The following ESRRG variants were observed in gnomAD, a reference collection of about 807,000 sequenced individuals.
ESRRG encodes the protein estrogen-related receptor gamma.
A neutral mutation model predicts 44.0 loss-of-function variants in ESRRG; 13 were observed. The observed-to-expected ratio is 0.30, with a 90% CI of 0.19 to 0.47. The LOEUF is 0.47. Ranked by LOEUF, ESRRG falls within the 20% of genes least tolerant of loss-of-function variation. The pLI, the probability that ESRRG is intolerant of heterozygous loss-of-function variation, is 1.00. For missense variants in ESRRG, 395 were observed against 580.6 expected (o/e 0.68, Z 3.29); for synonymous variants, 215 against 214.6 (o/e 1.00, Z -0.02).
At chr1:216,859,261 C>T (rs1350626928) in intron 2 of ESRRG, among the ~76,000 whole-genome samples, 1 of 152,106 alleles carries the variant, frequency 6.6e-6, no homozygotes, top group East Asian at 1.9e-4. Flanking sequence ...AGATTAGAAA[C>T]AAATAAGGTA....
At chr1:216,822,866 C>T (rs749217521) in intron 2 of ESRRG, among the ~76,000 whole-genome samples, 36 of 152,308 alleles carry the variant, frequency 2.4e-4, no homozygotes, top group Non-Finnish European at 3.2e-4. Context: ...AACCCAGATG[C>T]TTATCTTCAT....
chr1:216,691,644 G>A (rs576208124), intron 1 of ESRRG, among the ~76,000 whole-genome samples: 4 of 152,164 alleles, frequency 2.6e-5, no homozygotes, highest in Non-Finnish European at 5.9e-5. Flanking sequence ...TAATAAAACT[G>A]TATATCCCTG....
chr1:216,804,166 A>G (rs1477239785), intron 2 of ESRRG, among the ~76,000 whole-genome samples: 1 of 152,182 alleles, frequency 6.6e-6, no homozygotes, highest in Non-Finnish European at 1.5e-5. Context: ...TGACAATTTA[A>G]TTAATTTATT....
chr1:216,935,866 C>G (rs1022996677), intron 2 of ESRRG, among the ~76,000 whole-genome samples: 1 of 152,074 alleles, frequency 6.6e-6, no homozygotes, highest in African/African-American at 2.4e-5. Flanking sequence ...CTGCCTGCCT[C>G]GGCCTCCCAA....
intron 2 of ESRRG, among the ~76,000 whole-genome samples, chr1:216,807,447 T>A (rs1000150903): frequency 6.6e-6 from 1 of 152,228 alleles, no homozygotes; most frequent in Non-Finnish European, 1.5e-5. Context: ...CTTTCTGTTC[T>A]AACTTGTTTC....
At chr1:217,046,100 G>A (rs771926749) in intron 1 of ESRRG, among the ~76,000 whole-genome samples, 5 of 151,172 alleles carry the variant, frequency 3.3e-5, no homozygotes, top group Non-Finnish European at 7.4e-5. Flanking sequence ...AAGAGTTAAG[G>A]CATGTCGCCA....
At chr1:216,863,891 C>A (rs891617578) in intron 2 of ESRRG, 1 of 152,166 alleles carries the variant, frequency 6.6e-6, no homozygotes, top group Non-Finnish European at 1.5e-5. Flanking sequence ...CTACTGCATC[C>A]GCCATCTTGC....
Position 216,972,787 on chromosome 1 carries a change from C to G in ESRRG, c.-105-33114G>C, listed in dbSNP as rs115934866. 1.3e-5 allele frequency among the ~76,000 whole-genome samples: 2 copies of G among 152,196 alleles called. 1 individual carries two copies. Among genetic ancestry groups the G allele is most frequent in the Non-Finnish European group, 2.9e-5 (2 of 67,996 alleles). On this transcript the variant is annotated intron_variant, in intron 1 of 7. Coordinates refer to the ESRRG transcript ENST00000359162. ...TGAACTAGTATGTACTACATAAGTG[C>G]AACAAGAACAAAGTAAATAAAAGCT...
intron 4 of ESRRG, 82 bp from the exon 5 acceptor site, chr1:216,564,462 A>G: frequency 9.1e-7 from 1 of 1,095,096 alleles, no homozygotes; most frequent in Non-Finnish European, 1.3e-6. Flanking sequence ...TTGTGTTTTG[A>G]AAAACAATCC....
chr1:216,683,587 C>T (rs905859777), intron 1 of ESRRG, among the ~76,000 whole-genome samples: 1 of 152,138 alleles, frequency 6.6e-6, no homozygotes, highest in Non-Finnish European at 1.5e-5. Flanking sequence ...AGCCAGCCCC[C>T]TATAAAGAAA....
At chr1:216,795,694 G>A (rs1337516169) in intron 2 of ESRRG, among the ~76,000 whole-genome samples, 3 of 151,926 alleles carry the variant, frequency 2.0e-5, no homozygotes, top group Admixed American at 2.0e-4. Flanking sequence ...GGAAAACAAA[G>A]GCATTTTAAA....
rs187454159 is a variant in ESRRG, at chr1:216,521,885, G to A, written c.863-2464C>T. ...GATACAAATCTACGTTCTCATGGAA[G>A]GATCAATACGGAGAAGAAAAGAGGC... is the stretch of plus-strand genomic sequence containing the variant. On this transcript the variant is annotated intron_variant, in intron 5 of 6. Transcript: ENST00000408911. 3.9e-5 allele frequency among the ~76,000 whole-genome samples: 6 copies of A among 152,170 alleles called. No homozygotes were observed. The East Asian group carries it at 1.2e-3, about 29-fold the overall frequency.
chr1:216,890,529 T>G (rs1482182382), intron 2 of ESRRG, among the ~76,000 whole-genome samples: 3 of 152,206 alleles, frequency 2.0e-5, no homozygotes, highest in Non-Finnish European at 4.4e-5. Context: ...CTGACCACTA[T>G]GATATAATAA....
chr1:216,938,890 G>C (rs2064642755), intron 2 of ESRRG, among the ~76,000 whole-genome samples: 1 of 152,196 alleles, frequency 6.6e-6, no homozygotes, highest in African/African-American at 2.4e-5. Flanking sequence ...TCGTATGATA[G>C]TCATTACAAC....
chr1:217,046,942 A>T (rs145674969), intron 1 of ESRRG, among the ~76,000 whole-genome samples: 1,905 of 152,234 alleles, frequency 0.013, 16 homozygotes, highest in Non-Finnish European at 0.018. Context: ...AGACAAAATT[A>T]TTCCTTAGTT....
chr1:217,097,676 C>A (rs2092443290), intron 1 of ESRRG, among the ~76,000 whole-genome samples: 1 of 152,036 alleles, frequency 6.6e-6, no homozygotes, highest in South Asian at 2.1e-4. Context: ...TGAGATAATG[C>A]ATGTGATGGC....
chr1:216,811,484 C>A (rs959510157), intron 2 of ESRRG, among the ~76,000 whole-genome samples: 2 of 152,120 alleles, frequency 1.3e-5, no homozygotes, highest in Non-Finnish European at 1.5e-5. Flanking sequence ...TATGTAAGTA[C>A]GCGCACTTGC....
At chr1:216,541,606 GTA>G (rs1438028762) in intron 5 of ESRRG, among the ~76,000 whole-genome samples, 2,793 of 130,516 alleles carry the variant, frequency 0.021, 93 homozygotes, top group African/African-American at 0.086. Flanking sequence ...GTGTGTGTGT[GTA>G]TGTGATCAGC....
chr1:216,521,238 CAG>C (rs1240717513), intron 5 of ESRRG, among the ~76,000 whole-genome samples: 1 of 152,042 alleles, frequency 6.6e-6, no homozygotes, highest in Non-Finnish European at 1.5e-5. Flanking sequence ...ACATTTTAAA[CAG>C]CGGTTCAACA....
Sources: allele counts gnomAD v4.1 joint callset (sites outside exome capture counted in the v4.1 genomes callset), GRCh38; gene constraint gnomAD v4.1.1; transcripts MANE v1.5; gene names NCBI Gene and HGNC (gene_info 2026-07-23, HGNC 2026-07-21).